TGM1: variants seen among roughly 807,000 people sequenced by gnomAD.
TGM1 encodes protein-glutamine gamma-glutamyltransferase K.
A neutral mutation model predicts 88.7 loss-of-function variants in TGM1; 63 were observed. That is an observed-to-expected ratio of 0.71 (90% CI 0.58 to 0.88). TGM1 has a LOEUF of 0.88. Among genes scored for constraint, TGM1 ranks in the 40% least tolerant of loss-of-function variants. The pLI, the probability that TGM1 is intolerant of heterozygous loss-of-function variation, is 0.00. For synonymous variants in TGM1, 415 were observed against 431.1 expected, an observed-to-expected ratio of 0.96 and a Z score of 0.46; for missense variants, 996 against 1,118.0, an observed-to-expected ratio of 0.89 and a Z score of 1.56.
At position 24,261,808 on chromosome 14, in the gene TGM1, T is replaced by C. The variant is rs780000520; in HGVS notation, c.395A>G (p.Asp132Gly). ...SDQNRREHHT[D>G]EYEYDELIVR... ...TATCAGCTCGTCGTACTCATACTCG[T>C]CTGTGTGGTGCTCTCGGCGGTTCTG... is the stretch of plus-strand genomic sequence containing the variant. Residue 132 changes from aspartate (D) to glycine (G), a missense_variant, in exon 3 of 15, where the codon GAC becomes GGC. By Grantham distance (94) the Asp-to-Gly change is moderately conservative. Coordinates refer to ENST00000206765, the MANE Select transcript of TGM1 (RefSeq NM_000359.3). The C allele has an allele frequency of 1.3e-5, 21 of 1,614,018 alleles. No individual in the cohort carries two copies. The highest frequency in any genetic ancestry group is 1.7e-5 in the Non-Finnish European group (20 of 1,180,000).
rs760993072 is a variant in TGM1, at chr14:24,258,338, G to A, written c.1349C>T (p.Ser450Leu). 28 of 1,613,984 alleles carry A rather than the reference G, an allele frequency of 1.7e-5. No individual in the cohort carries two copies. Among genetic ancestry groups the A allele is most frequent in the Middle Eastern group, 3.3e-4 (2 of 6,084 alleles). ...CACCACCTGCCACCCATCAAAGCCC[G>A]AGGGCAGATCCGGCCTCTTCATCCA... Reference protein sequence around the residue: ...DCWMKRPDLPSGFDGWQVVDA... With the variant: ...DCWMKRPDLPLGFDGWQVVDA... Residue 450 changes from serine (S) to leucine (L), a missense_variant, in exon 9 of 15, where the codon TCG (serine) becomes TTG (leucine). By Grantham distance (145) the Ser-to-Leu change is moderately radical (BLOSUM62 -2). Coordinates refer to ENST00000206765, the MANE Select transcript of TGM1 (RefSeq NM_000359.3).
At position 24,255,258 on chromosome 14, in the gene TGM1, G is replaced by A. The variant is rs768771670; in HGVS notation, c.1646-5C>T. Reference sequence around the variant, plus strand: ...CCTTCCGCTCTGCGTCTGAGCCTGGGGGTTGAGGGTCAAGGGTGAGGTTCC... The same window carrying A: ...CCTTCCGCTCTGCGTCTGAGCCTGGAGGTTGAGGGTCAAGGGTGAGGTTCC... On this transcript the variant is annotated splice_region_variant and splice_polypyrimidine_tract_variant and intron_variant, in intron 11 of 14. Transcript: ENST00000206765. This position sits in a 1 kb window ranked among gnomAD's most constrained non-coding sequence, Gnocchi z 4.0. 2 of 1,613,746 alleles carry A rather than the reference G, an allele frequency of 1.2e-6. No homozygotes were observed. Among genetic ancestry groups the A allele is most frequent in the Non-Finnish European group, 1.7e-6 (2 of 1,180,056 alleles).
chr14:24,260,374 G>A (rs980587432), intron 4 of TGM1, 76 bp downstream of exon 4: 25 of 1,597,194 alleles, frequency 1.6e-5, no homozygotes, highest in Admixed American at 5.2e-5. Flanking sequence ...TAGGCACCCC[G>A]CCACATCCGA....
At position 24,261,862 on chromosome 14, in the gene TGM1, C is replaced by A. The variant is rs765214286; in HGVS notation, c.341G>T (p.Gly114Val). The part of the protein sequence containing the change: ...TIREGMLVVN[G>V]VDLLSSRSDQ... The stretch of plus-strand genomic sequence containing the variant: ...CGAGCGCGAGCTCAGCAAGTCCACA[C>A]CGTTCACTACTAGCATGCCCTCTGC... Residue 114 changes from glycine (G) to valine (V), a missense_variant, in exon 3 of 15, where the codon GGT becomes GTT. Physicochemically the swap from Gly to Val is moderately radical, Grantham distance 109. Coordinates refer to ENST00000206765, the MANE Select transcript of TGM1 (RefSeq NM_000359.3). The A allele has an allele frequency of 1.9e-6, 3 of 1,613,678 alleles. No homozygotes were observed. The African/African-American group carries it at 4.0e-5, about 22-fold the overall frequency.
rs145002586 is a variant in TGM1, at chr14:24,261,792, G to A, written c.411C>T (p.Asp137=). 395 of 1,614,116 alleles carry A rather than the reference G, an allele frequency of 2.4e-4. 2 individuals are homozygous for A. In the African/African-American group the frequency reaches 3.6e-3, roughly 15 times the overall value. ...REHHTDEYEY[D]ELIVRRGQPF... is the part of the protein sequence containing the mutation. ...GCTGCCCGCGGCGCACTATCAGCTC[G>A]TCGTACTCATACTCGTCTGTGTGGT... is the stretch of plus-strand genomic sequence containing the variant. Residue 137 remains aspartate (D), a synonymous_variant, in exon 3 of 15, where the codon GAC becomes GAT. Coordinates refer to ENST00000206765, the MANE Select transcript of TGM1 (RefSeq NM_000359.3).
chr14:24,261,776 G>A lies in TGM1; in HGVS notation c.427C>T (p.Arg143Cys), dbSNP rs531650682. Residue 143 changes from arginine to cysteine, a missense_variant, in exon 3 of 15, where the codon CGC (arginine) becomes TGC (cysteine). Physicochemically the swap from Arg to Cys is radical, Grantham distance 180. Transcript: ENST00000206765. ...AGGAGCATATGGAAAGGCTGCCCGCGGCGCACTATCAGCTCGTCGTACTCA... is the reference window on the plus strand; with the variant it reads ...AGGAGCATATGGAAAGGCTGCCCGCAGCGCACTATCAGCTCGTCGTACTCA... ...EYEYDELIVRRGQPFHMLLLL... is the reference protein window; with the variant it reads ...EYEYDELIVRCGQPFHMLLLL... 3.7e-5 allele frequency: 60 copies of A among 1,614,094 alleles called. No homozygotes were observed. The highest frequency in any genetic ancestry group is 3.3e-5 in the Admixed American group (2 of 60,026).
chr14:24,262,741 G>A (rs1370206763), intron 1 of TGM1, among the ~76,000 whole-genome samples: 1 of 152,238 alleles, frequency 6.6e-6, no homozygotes, highest in African/African-American at 2.4e-5. Flanking sequence ...CCACCTGCTA[G>A]CTCTGCAGTC....
At position 24,255,917 on chromosome 14, in the gene TGM1, A is replaced by C; in HGVS notation, c.1491+72T>G. On this transcript the variant is annotated intron_variant, in intron 10 of 14. Transcript: ENST00000206765. This position sits in a 1 kb window ranked among gnomAD's most constrained non-coding sequence, Gnocchi z 4.0. Reference sequence around the variant, plus strand: ...CTTGCCCCGGGTCGCAGAGCTGGTCAGTCAGCGGTGAAGTTGGGACCAGAG... The same window carrying C: ...CTTGCCCCGGGTCGCAGAGCTGGTCCGTCAGCGGTGAAGTTGGGACCAGAG... 1 of 1,274,154 alleles carries C rather than the reference A, an allele frequency of 7.8e-7. No homozygotes were observed. Among genetic ancestry groups the C allele is most frequent in the African/African-American group, 1.5e-5 (1 of 67,556 alleles). 78.9% of individuals were successfully genotyped at this position (1,274,154 alleles called of 1,614,324 possible). A position where few individuals can be genotyped will look rare whatever the true frequency, so the allele number is the denominator to read the frequency against.
chr14:24,259,747 C>T lies in TGM1; in HGVS notation c.941G>A (p.Gly314Asp), dbSNP rs886050439. The change falls in exon 6 of 15, where the codon GGC (glycine) becomes GAC (aspartate). Residue 314 changes from glycine to aspartate, a missense_variant. Gly to Asp is a moderately conservative substitution (Grantham distance 94). Transcript: ENST00000206765. This position sits in a 1 kb window ranked among gnomAD's most constrained non-coding sequence, Gnocchi z 5.7. The part of the protein sequence containing the change: ...ILDRRGMPYG[G>D]RGDPVNVSRV... Reference sequence around the variant, plus strand: ...GGAGACATTGACTGGGTCTCCACGGCCTCCATATGGCATCCCCCGCCGGTC... The same window carrying T: ...GGAGACATTGACTGGGTCTCCACGGTCTCCATATGGCATCCCCCGCCGGTC... 6.2e-7 allele frequency: 1 copy of T among 1,612,476 alleles called. No homozygotes were observed. The highest frequency in any genetic ancestry group is 1.1e-5 in the South Asian group (1 of 90,884).
rs773580354 is a variant in TGM1 at position 24,259,834 on chromosome 14, G to A, written c.877-23C>T. On this transcript the variant is annotated intron_variant, in intron 5 of 14. Coordinates refer to ENST00000206765, the MANE Select transcript of TGM1 (RefSeq NM_000359.3). This position sits in a 1 kb window ranked among gnomAD's most constrained non-coding sequence, Gnocchi z 5.7. ...AAACTGGAAGGAGGGATGGAGGGCA[G>A]AGGTGACAGCCTGAACCCTAGGCCA... 1 of 1,611,600 alleles carries A rather than the reference G, an allele frequency of 6.2e-7. No individual in the cohort carries two copies. Among genetic ancestry groups the A allele is most frequent in the African/African-American group, 1.3e-5 (1 of 74,868 alleles).
rs1461845454 is a variant in TGM1, at chr14:24,249,457, CAAGCTGGCAAT to C, written c.2299_2309del (p.Ile767GlyfsTer32). The stretch of plus-strand genomic sequence containing the variant: ...GCACCTGGGAGAGCTGTGGGCTGTC[CAAGCTGGCAAT>C]GAGCTGGCGGGGGCCTGGTCGCACA... On this transcript the variant is annotated frameshift_variant, in exon 15 of 15. Coordinates refer to ENST00000206765, the MANE Select transcript of TGM1 (RefSeq NM_000359.3). LOFTEE classifies it high-confidence loss of function. 6.2e-7 allele frequency: 1 copy of C among 1,613,976 alleles called. No homozygotes were observed. The highest frequency in any genetic ancestry group is 8.5e-7 in the Non-Finnish European group (1 of 1,180,018).
Position 24,259,585 on chromosome 14 carries a change from C to T in TGM1, c.984+119G>A, listed in dbSNP as rs41293792. 0.015 allele frequency: 13,126 copies of T among 865,914 alleles called. 213 individuals are homozygous for T. The highest frequency in any genetic ancestry group is 0.062 in the East Asian group (2,352 of 37,928). 53.6% of individuals were successfully genotyped at this position (865,914 alleles called of 1,614,324 possible). A position where few individuals can be genotyped will look rare whatever the true frequency, so the allele number is the denominator to read the frequency against. On this transcript the variant is annotated intron_variant, in intron 6 of 14. Coordinates refer to ENST00000206765, the MANE Select transcript of TGM1 (RefSeq NM_000359.3). The surrounding 1 kb of genome is among the most constrained non-coding windows in gnomAD (Gnocchi z 5.7). ...AGACCCCTTCCTGAAGTATCCTTTA[C>T]GAGGGCAGGGACAGGGCTGGGGGTT... is the stretch of plus-strand genomic sequence containing the variant.
In TGM1 at chr14:24,259,779, G is replaced by A. The variant is rs1207117917; in HGVS notation, c.909C>T (p.Tyr303=). The part of the protein sequence containing the change: ...FDHGVLDACL[Y]ILDRRGMPYG... ...ATGGCATCCCCCGCCGGTCCAGGAT[G>A]TATAAGCAGGCATCCAGCACCCCGT... Residue 303 remains tyrosine (Y), a synonymous_variant, in exon 6 of 15, where the codon TAC becomes TAT. Coordinates refer to ENST00000206765, the MANE Select transcript of TGM1 (RefSeq NM_000359.3). This position sits in a 1 kb window ranked among gnomAD's most constrained non-coding sequence, Gnocchi z 5.7. 3.7e-6 allele frequency: 6 copies of A among 1,613,232 alleles called. No homozygotes were observed. The highest frequency in any genetic ancestry group is 5.1e-6 in the Non-Finnish European group (6 of 1,179,928).
intron 13 of TGM1, among the ~76,000 whole-genome samples, 174 bp downstream of exon 13, chr14:24,254,490 C>T (rs1202738767): frequency 6.6e-6 from 1 of 152,254 alleles, no homozygotes; most frequent in Non-Finnish European, 1.5e-5. Context: ...GAACCAGAGA[C>T]ATAAGATCCC....
intron 14 of TGM1, among the ~76,000 whole-genome samples, chr14:24,253,624 G>A (rs975792491): frequency 2.0e-5 from 3 of 152,214 alleles, no homozygotes; most frequent in South Asian, 2.1e-4. Context: ...GACAACAGGC[G>A]CACAGCACCA....
intron 3 of TGM1, among the ~76,000 whole-genome samples, chr14:24,261,291 G>A (rs941530095): frequency 6.6e-6 from 1 of 152,116 alleles, no homozygotes; most frequent in Non-Finnish European, 1.5e-5. Context: ...GGGGACAGAG[G>A]GACAGAGACA....
chr14:24,255,532 G>T lies in TGM1; in HGVS notation c.1492-15C>A. On this transcript the variant is annotated splice_polypyrimidine_tract_variant and intron_variant, in intron 10 of 14. Transcript: ENST00000206765. This position sits in a 1 kb window ranked among gnomAD's most constrained non-coding sequence, Gnocchi z 4.0. ...TCACTATTCACCTGTGGGGGGTGGG[G>T]GTGAGCAGGAATGAGTGAGCCAGAG... 6.2e-7 allele frequency: 1 copy of T among 1,612,676 alleles called. No homozygotes were observed. The highest frequency in any genetic ancestry group is 1.7e-5 in the Admixed American group (1 of 60,032).
intron 14 of TGM1, 148 bp downstream of exon 14, chr14:24,254,004 G>C (rs2040722079): frequency 9.2e-7 from 1 of 1,084,364 alleles, no homozygotes; most frequent in Non-Finnish European, 1.4e-6. Flanking sequence ...AGCTGGGCCG[G>C]GAGGTATTGC....
In TGM1 at chr14:24,249,404, G is replaced by A; in HGVS notation, c.2363C>T (p.Pro788Leu). ...GAAGAAGCCCCCATCCCCAGGGGCT[G>A]GGGCCACATCCACCTGGATGACACC... ...VHGVIQVDVAPAPGDGGFFSD... is the reference protein window; with the variant it reads ...VHGVIQVDVALAPGDGGFFSD... Residue 788 changes from proline (P) to leucine (L), a missense_variant, in exon 15 of 15, where the codon CCA becomes CTA. Physicochemically the swap from Pro to Leu is moderately conservative, Grantham distance 98. Transcript: ENST00000206765. 6.2e-7 allele frequency: 1 copy of A among 1,614,054 alleles called. No homozygotes were observed.
Sources: allele counts gnomAD v4.1 joint callset (sites outside exome capture counted in the v4.1 genomes callset), GRCh38; gene constraint gnomAD v4.1.1; non-coding constraint Gnocchi (gnomAD v3.1); transcripts MANE v1.5; gene names NCBI Gene and HGNC (gene_info 2026-07-23, HGNC 2026-07-21).